The following HAS2 variants were observed in gnomAD, a reference collection of about 807,000 sequenced individuals.
HAS2 encodes the protein HA synthase 2.
Under a neutral mutation model 51.6 loss-of-function variants are expected in HAS2, and 16 were observed. The observed-to-expected ratio is 0.31, with a 90% confidence interval of 0.21 to 0.47. HAS2 has a LOEUF of 0.47. Among genes scored for constraint, HAS2 ranks in the 20% least tolerant of loss-of-function variants. HAS2 has a pLI of 1.00. For synonymous variants in HAS2, 228 were observed against 235.5 expected, an observed-to-expected ratio of 0.97 and a Z score of 0.29; for missense variants, 361 against 662.6, an observed-to-expected ratio of 0.54 and a Z score of 5.00.
At position 121,612,380 on chromosome 8, in the gene HAS2, T is replaced by A. The variant is rs1243504858; in HGVS notation, c.*1729A>T. 6.6e-6 allele frequency: 1 copy of A among 152,192 alleles called. No individual in the cohort carries two copies. The highest frequency in any genetic ancestry group is 2.4e-5 in the African/African-American group (1 of 41,462). The allele number at this position is 152,192 out of a possible 1,614,324, so 9.4% of individuals were successfully genotyped here. On this transcript the variant is annotated 3_prime_UTR_variant, in exon 4 of 4. Coordinates refer to ENST00000303924, the MANE Select transcript of HAS2 (RefSeq NM_005328.3). ...ATCAGTGAGAGTCTTGAGTCTCAGATGTACCTTTTTGTACTCTGAAGGTAG... is the reference window on the plus strand; with the variant it reads ...ATCAGTGAGAGTCTTGAGTCTCAGAAGTACCTTTTTGTACTCTGAAGGTAG...
chr8:121,615,334 A>G (rs1410856943), intron 3 of HAS2, among the ~76,000 whole-genome samples: 1 of 151,790 alleles, frequency 6.6e-6, no homozygotes, highest in East Asian at 1.9e-4. Context: ...ATATTGAGAT[A>G]TTTACTTATT....
intron 2 of HAS2, among the ~76,000 whole-genome samples, chr8:121,620,813 A>G (rs1487529721): frequency 6.6e-6 from 1 of 152,194 alleles, no homozygotes; most frequent in Non-Finnish European, 1.5e-5. Flanking sequence ...CTGTCTTGAT[A>G]TGGGTCATGG....
At chr8:121,621,531 T>C (rs2130437576) in intron 2 of HAS2, among the ~76,000 whole-genome samples, 1 of 152,314 alleles carries the variant, frequency 6.6e-6, no homozygotes. Context: ...TTATACTTTC[T>C]AAGTAAACCC....
At chr8:121,621,944 A>G (rs909440512) in intron 2 of HAS2, among the ~76,000 whole-genome samples, 3 of 152,098 alleles carry the variant, frequency 2.0e-5, no homozygotes, top group Admixed American at 1.3e-4. Context: ...GCTGCCTCCA[A>G]TGAGGAAACA....
rs1812665708 is a variant in HAS2 at position 121,613,712 on chromosome 8, T to C, written c.*397A>G. On this transcript the variant is annotated 3_prime_UTR_variant, in exon 4 of 4. Coordinates refer to ENST00000303924, the MANE Select transcript of HAS2 (RefSeq NM_005328.3). ...AATCCTTCCTAAAAAAAAAAAATTA[T>C]CATCTATCAAAACAGTCCATAAGTT... 1 of 165,332 alleles carries C rather than the reference T, an allele frequency of 6.0e-6. No homozygotes were observed. Among genetic ancestry groups the C allele is most frequent in the African/African-American group, 2.4e-5 (1 of 41,630 alleles). The allele number at this position is 165,332 out of a possible 1,614,324, so 10.2% of individuals were successfully genotyped here. A position where few individuals can be genotyped will look rare whatever the true frequency, so the allele number is the denominator to read the frequency against.
Position 121,612,383 on chromosome 8 carries a change from A to T in HAS2, c.*1726T>A, listed in dbSNP as rs1488836482. 1 of 152,104 alleles carries T rather than the reference A, an allele frequency of 6.6e-6. No individual in the cohort carries two copies. Among genetic ancestry groups the T allele is most frequent in the African/African-American group, 2.4e-5 (1 of 41,428 alleles). The allele number at this position is 152,104 out of a possible 1,614,324, so 9.4% of individuals were successfully genotyped here. A position where few individuals can be genotyped will look rare whatever the true frequency, so the allele number is the denominator to read the frequency against. Reference sequence around the variant, plus strand: ...AGTGAGAGTCTTGAGTCTCAGATGTACCTTTTTGTACTCTGAAGGTAGGAT... The same window carrying T: ...AGTGAGAGTCTTGAGTCTCAGATGTTCCTTTTTGTACTCTGAAGGTAGGAT... On this transcript the variant is annotated 3_prime_UTR_variant, in exon 4 of 4. Transcript: ENST00000303924.
intron 2 of HAS2, among the ~76,000 whole-genome samples, chr8:121,628,317 CA>C (rs1442501174): frequency 6.6e-6 from 1 of 151,986 alleles, no homozygotes; most frequent in Non-Finnish European, 1.5e-5. Context: ...CAGATTTTCT[CA>C]AGACCCTTCT....
intron 1 of HAS2, among the ~76,000 whole-genome samples, chr8:121,631,054 GA>G (rs1486714988): frequency 3.9e-5 from 6 of 152,112 alleles, no homozygotes; most frequent in Non-Finnish European, 8.8e-5. Flanking sequence ...GATCTTTTAA[GA>G]AAGAGAATAT....
In HAS2 at chr8:121,629,226, T is replaced by G; in HGVS notation, c.115A>C (p.Thr39Pro). ...CCAAAAGAGAAATAGTAATTATCCG[T>G]TTGGATAAACTGGTAGCCAACAATA... ...AYIVGYQFIQ[T>P]DNYYFSFGLY... The change falls in exon 2 of 4, where the codon ACG becomes CCG. Residue 39 changes from threonine to proline, a missense_variant. Physicochemically the swap from Thr to Pro is conservative, Grantham distance 38. Coordinates refer to ENST00000303924, the MANE Select transcript of HAS2 (RefSeq NM_005328.3). The G allele has an allele frequency of 6.2e-7, 1 of 1,613,952 alleles. No individual in the cohort carries two copies. The highest frequency in any genetic ancestry group is 8.5e-7 in the Non-Finnish European group (1 of 1,179,828).
At chr8:121,615,332 A>G (rs1020690856) in intron 3 of HAS2, among the ~76,000 whole-genome samples, 1 of 151,674 alleles carries the variant, frequency 6.6e-6, no homozygotes, top group African/African-American at 2.4e-5. Context: ...TCATATTGAG[A>G]TATTTACTTA....
chr8:121,633,085 G>A (rs1812955252), intron 1 of HAS2, among the ~76,000 whole-genome samples: 1 of 150,202 alleles, frequency 6.7e-6, no homozygotes, highest in South Asian at 2.1e-4. Flanking sequence ...CTAATAAAAT[G>A]TCATCGTATA....
intron 1 of HAS2, among the ~76,000 whole-genome samples, chr8:121,638,354 G>A (rs1013491888): frequency 6.6e-6 from 1 of 152,180 alleles, no homozygotes; most frequent in African/African-American, 2.4e-5. Flanking sequence ...TGACCTTAGA[G>A]TTTAATGCTA....
At chr8:121,637,856 C>T (rs540435129) in intron 1 of HAS2, among the ~76,000 whole-genome samples, 106 of 152,272 alleles carry the variant, frequency 7.0e-4, no homozygotes, top group Non-Finnish European at 8.1e-4. Flanking sequence ...GACAGAAACA[C>T]GGCATGGGTT....
chr8:121,639,596 G>A, intron 1 of HAS2: 1 of 152,896 alleles, frequency 6.5e-6, no homozygotes. Context: ...TCCTCCCCAG[G>A]CACCGCCCCT....
chr8:121,638,435 G>A (rs546039143), intron 1 of HAS2, among the ~76,000 whole-genome samples: 12 of 152,204 alleles, frequency 7.9e-5, no homozygotes, highest in African/African-American at 2.2e-4. Context: ...ATTCGACTCC[G>A]GGTACAGTAC....
chr8:121,619,810 C>A (rs953557273), intron 2 of HAS2, among the ~76,000 whole-genome samples: 5 of 152,112 alleles, frequency 3.3e-5, no homozygotes, highest in African/African-American at 1.2e-4. Context: ...TATTACCACA[C>A]CCACCTCTGT....
intron 2 of HAS2, among the ~76,000 whole-genome samples, chr8:121,627,130 A>G (rs1812865236): frequency 6.6e-6 from 1 of 152,230 alleles, no homozygotes; most frequent in South Asian, 2.1e-4. Context: ...CTTGATTAGA[A>G]ATGACAAATG....
intron 1 of HAS2, among the ~76,000 whole-genome samples, chr8:121,634,350 C>T (rs1812978108): frequency 6.6e-6 from 1 of 151,972 alleles, no homozygotes. Context: ...ACAATTAGGT[C>T]TGATGATACC....
chr8:121,626,205 C>T (rs62524936), intron 2 of HAS2, among the ~76,000 whole-genome samples: 30,090 of 152,106 alleles, frequency 0.2, 3,076 homozygotes, highest in Middle Eastern at 0.3. Flanking sequence ...TGACAGCATT[C>T]AGAATTAGTA....
Sources: gnomAD v4.1 joint callset for allele counts (sites outside exome capture counted in the v4.1 genomes callset) on GRCh38, gnomAD v4.1.1 for gene constraint, MANE v1.5 for transcripts, NCBI Gene and HGNC (gene_info 2026-07-23, HGNC 2026-07-21) for gene names.